Variants in STX11 observed in about 807,000 individuals in gnomAD.
The protein encoded by STX11 is syntaxin-11.
A neutral mutation model predicts 19.9 loss-of-function variants in STX11; 21 were observed. The observed-to-expected ratio is 1.06, with a 90% CI of 0.75 to 1.52. The LOEUF is 1.52. STX11 is among the 40% of genes most tolerant of loss of function. The pLI is 0.00. For synonymous variants in STX11, 193 were observed against 174.4 expected (o/e 1.11, Z -0.84); for missense variants, 438 against 405.9 (o/e 1.08, Z -0.68).
upstream of STX11, among the ~76,000 whole-genome samples, chr6:144,150,107 C>G (rs1336510873): frequency 1.3e-5 from 2 of 152,210 alleles, no homozygotes; most frequent in African/African-American, 4.8e-5. Flanking sequence ...GATGCAGGAC[C>G]TGCCGCAGCT....
At position 144,160,084 on chromosome 6, in the gene STX11, C is replaced by T. The variant is rs1234075485; in HGVS notation, c.-6+9381C>T. 6.6e-6 allele frequency among the ~76,000 whole-genome samples: 1 copy of T among 152,160 alleles called. No individual in the cohort carries two copies. Among genetic ancestry groups the T allele is most frequent in the African/African-American group, 2.4e-5 (1 of 41,434 alleles). On this transcript the variant is annotated intron_variant, in intron 1 of 1. Coordinates refer to ENST00000367568, the MANE Select transcript of STX11 (RefSeq NM_003764.4). This position sits in a 1 kb window ranked among gnomAD's most constrained non-coding sequence, Gnocchi z 4.3. ...ATGGCACAATCTCTGCTCACAGTAACCTCCGCCTCCCGGGTTCAAGTGATT... is the reference window on the plus strand; with the variant it reads ...ATGGCACAATCTCTGCTCACAGTAATCTCCGCCTCCCGGGTTCAAGTGATT...
intron 1 of STX11, among the ~76,000 whole-genome samples, chr6:144,178,244 T>G (rs1801822496): frequency 6.6e-6 from 1 of 152,170 alleles, no homozygotes; most frequent in Non-Finnish European, 1.5e-5. Context: ...GCAAACTGCT[T>G]AAACTCATTA....
the STX11 span, among the ~76,000 whole-genome samples, chr6:144,142,516 C>A: frequency 6.6e-6 from 1 of 151,998 alleles, no homozygotes; most frequent in Non-Finnish European, 1.5e-5. Flanking sequence ...CTTGATTTTA[C>A]TTTGTAAATT....
At position 144,186,802 on chromosome 6, in the gene STX11, G is replaced by A; in HGVS notation, c.175G>A (p.Val59Met). 6.2e-7 allele frequency: 1 copy of A among 1,613,814 alleles called. No individual in the cohort carries two copies. Among genetic ancestry groups the A allele is most frequent in the South Asian group, 1.1e-5 (1 of 91,080 alleles). The change falls in exon 2 of 2, where the codon GTG (valine) becomes ATG (methionine). Residue 59 changes from valine (V) to methionine (M), a missense_variant. Coordinates refer to ENST00000367568, the MANE Select transcript of STX11 (RefSeq NM_003764.4). ...CATTCAGGATGAAAACCAGCTGCTG[G>A]TGGCCGACGTGAAGCGGCTGGGAAA... The part of the protein sequence containing the change: ...RDIQDENQLL[V>M]ADVKRLGKQN...
In STX11 at chr6:144,151,016, T is replaced by TA. The variant is rs1800993314; in HGVS notation, c.-6+316dup. Among the ~76,000 whole-genome samples the TA allele has an allele frequency of 6.6e-6, 1 of 152,254 alleles. No individual in the cohort carries two copies. The highest frequency in any genetic ancestry group is 2.4e-5 in the African/African-American group (1 of 41,468). On this transcript the variant is annotated intron_variant, in intron 1 of 1. Coordinates refer to ENST00000367568, the MANE Select transcript of STX11 (RefSeq NM_003764.4). The surrounding 1 kb of genome is among the most constrained non-coding windows in gnomAD (Gnocchi z 4.6). ...GATACCTGTTGGTAGGCTGCCTTTA[T>TA]AAAGTGTCCACCCAAGACTACTTTT...
In STX11 at chr6:144,187,395, C is replaced by G. The variant is rs780001809; in HGVS notation, c.768C>G (p.Thr256=). Reference sequence around the variant, plus strand: ...ACGTACAAAAGACGGTCGACTACACCGGCCAGGCCAAGGCGCAGGTGCGGA... The same window carrying G: ...ACGTACAAAAGACGGTCGACTACACGGGCCAGGCCAAGGCGCAGGTGCGGA... The part of the protein sequence containing the change: ...ELNVQKTVDY[T]GQAKAQVRKA... The change falls in exon 2 of 2, where the codon ACC becomes ACG. Residue 256 remains threonine (T), a synonymous_variant. Coordinates refer to ENST00000367568, the MANE Select transcript of STX11 (RefSeq NM_003764.4). This position sits in a 1 kb window ranked among gnomAD's most constrained non-coding sequence, Gnocchi z 5.6. 1 of 1,611,104 alleles carries G rather than the reference C, an allele frequency of 6.2e-7. No homozygotes were observed. Among genetic ancestry groups the G allele is most frequent in the South Asian group, 1.1e-5 (1 of 91,084 alleles).
Position 144,174,573 on chromosome 6 carries a change from A to G in STX11, c.-5-12050A>G, listed in dbSNP as rs1584043125. Among the ~76,000 whole-genome samples, 1 of 151,896 alleles carries G rather than the reference A, an allele frequency of 6.6e-6. No individual in the cohort carries two copies. The highest frequency in any genetic ancestry group is 1.5e-5 in the Non-Finnish European group (1 of 67,940). ...TTGTAGAGCTGGATTTTGCCCTGTT[A>G]CCCAGGCTGGTCTTGAACTCCTGGG... On this transcript the variant is annotated intron_variant, in intron 1 of 1. Transcript: ENST00000367568. The surrounding 1 kb of genome is among the most constrained non-coding windows in gnomAD (Gnocchi z 5.3).
chr6:144,187,919 T>C lies in STX11; in HGVS notation c.*428T>C, dbSNP rs1229161486. 3 of 317,304 alleles carry C rather than the reference T, an allele frequency of 9.5e-6. No individual in the cohort carries two copies. The highest frequency in any genetic ancestry group is 1.9e-5 in the Non-Finnish European group (3 of 159,396). The allele number at this position is 317,304 out of a possible 1,614,324, so 19.7% of individuals were successfully genotyped here. A position where few individuals can be genotyped will look rare whatever the true frequency, so the allele number is the denominator to read the frequency against. On this transcript the variant is annotated 3_prime_UTR_variant, in exon 2 of 2. Transcript: ENST00000367568. This position sits in a 1 kb window ranked among gnomAD's most constrained non-coding sequence, Gnocchi z 5.6. ...AGTTCATTTACTTTGTCCTGAAAAT[T>C]CCCTGGTTCTGTTCCATTTTGAGCG...
chr6:144,171,778 AAAG>A (rs1801645121), intron 1 of STX11, among the ~76,000 whole-genome samples: 1 of 152,138 alleles, frequency 6.6e-6, no homozygotes, highest in East Asian at 1.9e-4. Flanking sequence ...AACAAACAAA[AAAG>A]AAGCGCTGTC....
At chr6:144,179,945 G>C (rs1801866901) in intron 1 of STX11, among the ~76,000 whole-genome samples, 1 of 152,020 alleles carries the variant, frequency 6.6e-6, no homozygotes, top group Non-Finnish European at 1.5e-5. Context: ...TTGGGGACAG[G>C]GTCTGTTTTG....
At chr6:144,150,022 G>A (rs778308689), upstream of STX11, among the ~76,000 whole-genome samples, 2 of 152,172 alleles carry the variant, frequency 1.3e-5, no homozygotes, top group Non-Finnish European at 2.9e-5. Context: ...AGGTTGGTCG[G>A]CAGGGTTCTG....
At chr6:144,140,237 TATATATATATATATATATTTA>T in the STX11 span, among the ~76,000 whole-genome samples, 68 of 53,556 alleles carry the variant, frequency 1.3e-3, 3 homozygotes, top group Admixed American at 8.5e-3. Flanking sequence ...TATATATATA[TATATATATATATATATATTTA>T]TTTATTTATT....
chr6:144,145,617 A>G (rs1800858825), upstream of STX11, among the ~76,000 whole-genome samples: 1 of 152,252 alleles, frequency 6.6e-6, no homozygotes, highest in South Asian at 2.1e-4. Context: ...ATGAACCTGG[A>G]GGACATTATG....
In STX11 at chr6:144,190,195, A is replaced by G. The variant is rs2128758804; in HGVS notation, c.*2704A>G. ...ACCATCTCAGTGTGGCGTAATGGTT[A>G]GGAGTACAGATTCCAGATCCTGTTT... On this transcript the variant is annotated 3_prime_UTR_variant, in exon 2 of 2. Transcript: ENST00000367568. 6.6e-6 allele frequency among the ~76,000 whole-genome samples: 1 copy of G among 152,356 alleles called. No homozygotes were observed.
rs886930587 is a variant in STX11 at position 144,154,204 on chromosome 6, T to G, written c.-6+3501T>G. ...TGCTGTGATGTGCTGTCTTGATGAA[T>G]GAATCAATGAGGTTTTGGACTTTGT... On this transcript the variant is annotated intron_variant, in intron 1 of 1. Coordinates refer to ENST00000367568, the MANE Select transcript of STX11 (RefSeq NM_003764.4). The surrounding 1 kb of genome is among the most constrained non-coding windows in gnomAD (Gnocchi z 4.7). Among the ~76,000 whole-genome samples, 7 of 152,208 alleles carry G rather than the reference T, an allele frequency of 4.6e-5. No individual in the cohort carries two copies. The highest frequency in any genetic ancestry group is 1.0e-4 in the Non-Finnish European group (7 of 68,022).
At position 144,173,690 on chromosome 6, in the gene STX11, A is replaced by C. The variant is rs539322716; in HGVS notation, c.-5-12933A>C. Among the ~76,000 whole-genome samples, 10 of 152,358 alleles carry C rather than the reference A, an allele frequency of 6.6e-5. No individual in the cohort carries two copies. The South Asian group carries it at 2.1e-3, about 32-fold the overall frequency. On this transcript the variant is annotated intron_variant, in intron 1 of 1. Transcript: ENST00000367568. The stretch of plus-strand genomic sequence containing the variant: ...ATGCAAAATTCATACCAACATTTTC[A>C]GCCTTTGGAGCTGCCATAGGCAACA...
chr6:144,159,194 CTA>C lies in STX11; in HGVS notation c.-6+8495_-6+8496del, dbSNP rs1416115768. Among the ~76,000 whole-genome samples the C allele has an allele frequency of 1.3e-5, 2 of 152,160 alleles. No homozygotes were observed. The highest frequency in any genetic ancestry group is 4.8e-5 in the African/African-American group (2 of 41,430). On this transcript the variant is annotated intron_variant, in intron 1 of 1. Transcript: ENST00000367568. The surrounding 1 kb of genome is among the most constrained non-coding windows in gnomAD (Gnocchi z 4.3). ...TCAACAACTATTTATCGAGGCTTTC[CTA>C]TATGCCGGGTGCTCTGGAGTAAATG...
intron 1 of STX11, among the ~76,000 whole-genome samples, chr6:144,158,467 G>T (rs1317314767): frequency 6.6e-6 from 1 of 152,188 alleles, no homozygotes; most frequent in African/African-American, 2.4e-5. Context: ...AGTGAACTTA[G>T]AGGAATCAGT....
At chr6:144,143,299 T>C in the STX11 span, among the ~76,000 whole-genome samples, 4 of 152,150 alleles carry the variant, frequency 2.6e-5, no homozygotes, top group African/African-American at 9.7e-5. Context: ...TTTTCAGAGA[T>C]GGGATTTGGA....
Sources: allele counts gnomAD v4.1 joint callset (sites outside exome capture counted in the v4.1 genomes callset), GRCh38; gene constraint gnomAD v4.1.1; non-coding constraint Gnocchi (gnomAD v3.1); transcripts MANE v1.5; gene names NCBI Gene and HGNC (gene_info 2026-07-23, HGNC 2026-07-21).